The following KCNIP4 variants were observed in gnomAD, a reference collection of about 807,000 sequenced individuals.
The protein encoded by KCNIP4 is potassium voltage-gated channel interacting protein 4, also known as Kv channel-interacting protein 4.
In KCNIP4, 12 loss-of-function variants were observed where a neutral mutation model predicts 34.0. The ratio of observed to expected loss-of-function variants is 0.35; its 90% CI spans 0.23 to 0.57. The LOEUF is 0.57. Ranked by LOEUF, KCNIP4 falls within the 20% of genes least tolerant of loss-of-function variation. The pLI, the probability that KCNIP4 is intolerant of heterozygous loss-of-function variation, is 0.83. For synonymous variants in KCNIP4, 124 were observed against 102.2 expected (o/e 1.21, Z -1.29); for missense variants, 238 against 311.7 (o/e 0.76, Z 1.78).
Position 21,297,124 on chromosome 4 carries a change from T to A in KCNIP4, c.62-414415A>T, listed in dbSNP as rs530904730. On this transcript the variant is annotated intron_variant, in intron 1 of 8. Transcript: ENST00000382152. The stretch of plus-strand genomic sequence containing the variant: ...TGTGTATATATATATATATATATAT[T>A]TGGAAAGGAGATGAATAATTGTTAT... Among the ~76,000 whole-genome samples, 40 of 142,392 alleles carry A rather than the reference T, an allele frequency of 2.8e-4. No homozygotes were observed. The South Asian group carries it at 7.6e-3, about 27-fold the overall frequency. The allele number at this position is 142,392 out of a possible 152,430, so 93.4% of individuals were successfully genotyped here. A position where few individuals can be genotyped will look rare whatever the true frequency, so the allele number is the denominator to read the frequency against.
chr4:21,594,832 G>A (rs760840205), intron 1 of KCNIP4, among the ~76,000 whole-genome samples: 1 of 139,136 alleles, frequency 7.2e-6, no homozygotes, highest in East Asian at 2.0e-4. Context: ...TACTGTCTCA[G>A]GGTTTCCTTC....
In KCNIP4 at chr4:21,111,239, G is replaced by A. The variant is rs141311544; in HGVS notation, c.62-228530C>T. On this transcript the variant is annotated intron_variant, in intron 1 of 8. Coordinates refer to ENST00000382152, the MANE Select transcript of KCNIP4 (RefSeq NM_025221.6). ...GAAGAGAGAACATAGGAGAAAGAGA[G>A]AACGAAAGAATTGATCCTTGGCTTT... is the stretch of plus-strand genomic sequence containing the variant. 3.3e-5 allele frequency among the ~76,000 whole-genome samples: 5 copies of A among 152,288 alleles called. No homozygotes were observed. In the South Asian group the frequency reaches 8.3e-4, roughly 25 times the overall value.
At chr4:21,459,300 G>A (rs1407226309) in intron 1 of KCNIP4, among the ~76,000 whole-genome samples, 1 of 152,078 alleles carries the variant, frequency 6.6e-6, no homozygotes, top group African/African-American at 2.4e-5. Flanking sequence ...TAAGGTTGAA[G>A]GATCCCTCCT....
At chr4:21,712,063 T>C (rs1205652073) in intron 1 of KCNIP4, among the ~76,000 whole-genome samples, 1 of 152,104 alleles carries the variant, frequency 6.6e-6, no homozygotes, top group Non-Finnish European at 1.5e-5. Context: ...TTCCCTACAG[T>C]CCAAAAATTC....
At chr4:20,886,087 A>T (rs1202900799) in intron 1 of KCNIP4, among the ~76,000 whole-genome samples, 5 of 152,250 alleles carry the variant, frequency 3.3e-5, no homozygotes, top group African/African-American at 4.8e-5. Context: ...CTGAAATGGA[A>T]GATGGAAGAT....
chr4:21,265,194 A>G (rs906433140), intron 1 of KCNIP4, among the ~76,000 whole-genome samples: 2 of 152,104 alleles, frequency 1.3e-5, no homozygotes, highest in African/African-American at 4.8e-5. Flanking sequence ...GAGGAAAAAA[A>G]AGAGGGAGAC....
intron 1 of KCNIP4, among the ~76,000 whole-genome samples, chr4:20,918,653 T>C (rs1456469040): frequency 1.3e-5 from 2 of 152,192 alleles, no homozygotes; most frequent in Non-Finnish European, 2.9e-5. Flanking sequence ...GTTTCCTATC[T>C]TCCTGGAGCC....
intron 3 of KCNIP4, among the ~76,000 whole-genome samples, chr4:20,813,139 T>A (rs1166506365): frequency 1.3e-5 from 2 of 152,110 alleles, no homozygotes; most frequent in African/African-American, 2.4e-5. Flanking sequence ...GGTTGGGATG[T>A]GTGGAAAATA....
intron 1 of KCNIP4, among the ~76,000 whole-genome samples, chr4:21,722,693 T>C (rs1360729776): frequency 6.6e-6 from 1 of 152,150 alleles, no homozygotes; most frequent in Non-Finnish European, 1.5e-5. Context: ...ACTGCCGTGC[T>C]AGAGGGAGCG....
chr4:21,430,546 G>A (rs1371114434), intron 1 of KCNIP4, among the ~76,000 whole-genome samples: 1 of 152,076 alleles, frequency 6.6e-6, no homozygotes, highest in African/African-American at 2.4e-5. Context: ...TTCTATGGGT[G>A]ATGCTTCAAA....
At chr4:21,267,785 A>C (rs932620485) in intron 1 of KCNIP4, among the ~76,000 whole-genome samples, 1 of 148,340 alleles carries the variant, frequency 6.7e-6, no homozygotes, top group Non-Finnish European at 1.5e-5. Context: ...ATCAATGTTC[A>C]TCAAGGATAT....
intron 1 of KCNIP4, among the ~76,000 whole-genome samples, chr4:21,631,540 T>C (rs1006686995): frequency 1.3e-5 from 2 of 152,186 alleles, no homozygotes; most frequent in African/African-American, 2.4e-5. Flanking sequence ...GTTAATGCTA[T>C]AAACACTTCA....
Position 21,730,536 on chromosome 4 carries a change from G to T in KCNIP4, c.61+218035C>A, listed in dbSNP as rs551184533. 2.0e-5 allele frequency among the ~76,000 whole-genome samples: 3 copies of T among 152,192 alleles called. No individual in the cohort carries two copies. The South Asian group carries it at 6.2e-4, about 31-fold the overall frequency. On this transcript the variant is annotated intron_variant, in intron 1 of 8. Transcript: ENST00000382152. ...TGACGGCCAGACAGGATATATATTG[G>T]GGGTGAGGTCTTTGCAAGGAAGGCT...
At chr4:20,941,411 C>A (rs1731627233) in intron 1 of KCNIP4, among the ~76,000 whole-genome samples, 1 of 152,126 alleles carries the variant, frequency 6.6e-6, no homozygotes. Flanking sequence ...AGTTACGAAA[C>A]AGATGTTTTC....
intron 1 of KCNIP4, among the ~76,000 whole-genome samples, chr4:21,809,308 T>G (rs541746088): frequency 2.6e-5 from 4 of 152,276 alleles, no homozygotes; most frequent in African/African-American, 9.6e-5. Context: ...CAGCTCCTCA[T>G]TATCAAGCCT....
chr4:21,258,766 C>T (rs914906107), intron 1 of KCNIP4, among the ~76,000 whole-genome samples: 1 of 152,080 alleles, frequency 6.6e-6, no homozygotes, highest in Admixed American at 6.6e-5. Context: ...CGCTTCCCTA[C>T]CCCTACTGGA....
chr4:20,798,906 G>A (rs1003696175), intron 3 of KCNIP4, among the ~76,000 whole-genome samples: 7 of 152,154 alleles, frequency 4.6e-5, no homozygotes, highest in African/African-American at 7.2e-5. Flanking sequence ...TGACAACACT[G>A]TGCCCTGGCC....
Position 21,004,471 on chromosome 4 carries a change from T to C in KCNIP4, c.62-121762A>G, listed in dbSNP as rs539935567. Among the ~76,000 whole-genome samples the C allele has an allele frequency of 3.3e-3, 498 of 152,234 alleles. 1 individual carries two copies. The highest frequency in any genetic ancestry group is 6.2e-3 in the Non-Finnish European group (421 of 68,018). ...TCCCTGCACCATCGCTGTCAAGATATCCTGGAGAGACAGTCCACACAGAGG... is the reference window on the plus strand; with the variant it reads ...TCCCTGCACCATCGCTGTCAAGATACCCTGGAGAGACAGTCCACACAGAGG... On this transcript the variant is annotated intron_variant, in intron 1 of 8. Transcript: ENST00000382152.
intron 1 of KCNIP4, among the ~76,000 whole-genome samples, chr4:21,245,508 G>A (rs1463912235): frequency 1.3e-5 from 2 of 152,262 alleles, no homozygotes; most frequent in African/African-American, 2.4e-5. Flanking sequence ...TGCTGTGACT[G>A]TCATATAATA....
Sources: allele counts gnomAD v4.1 joint callset (sites outside exome capture counted in the v4.1 genomes callset), GRCh38; gene constraint gnomAD v4.1.1; transcripts MANE v1.5; gene names NCBI Gene and HGNC (gene_info 2026-07-23, HGNC 2026-07-21).